The following MBD5 variants were observed in gnomAD, a reference collection of about 807,000 sequenced individuals.
The protein encoded by MBD5 is methyl-CpG binding domain protein 5, also known as methyl-CpG-binding domain protein 5.
Under a neutral mutation model 117.3 loss-of-function variants are expected in MBD5, and 13 were observed. The observed-to-expected ratio is 0.11, with a 90% CI of 0.07 to 0.18. The LOEUF is 0.18. Among genes scored for constraint, MBD5 ranks in the 10% least tolerant of loss-of-function variants. The pLI, the probability that MBD5 is intolerant of heterozygous loss-of-function variation, is 1.00. For synonymous variants in MBD5, 727 were observed against 766.4 expected (o/e 0.95, Z 0.85); for missense variants, 1,879 against 2,093.8 (o/e 0.90, Z 2.00).
rs149684439 is a variant in MBD5 at position 148,267,975 on chromosome 2, G to C, written c.-680+34580G>C. 5.3e-3 allele frequency among the ~76,000 whole-genome samples: 732 copies of C among 137,166 alleles called. 4 individuals carry two copies. Among genetic ancestry groups the C allele is most frequent in the Non-Finnish European group, 8.6e-3 (545 of 63,370 alleles). The allele number at this position is 137,166 out of a possible 152,430, so 90.0% of individuals were successfully genotyped here. A position where few individuals can be genotyped will look rare whatever the true frequency, so the allele number is the denominator to read the frequency against. On this transcript the variant is annotated intron_variant, in intron 3 of 13. Transcript: ENST00000642680. ...TTCTTTTTTTTTTTTTTTGAGACAGGTTCTCACTTTTTCACCCAGGCTGGA... is the reference window on the plus strand; with the variant it reads ...TTCTTTTTTTTTTTTTTTGAGACAGCTTCTCACTTTTTCACCCAGGCTGGA...
At chr2:148,137,541 C>A (rs1409932773) in intron 1 of MBD5, among the ~76,000 whole-genome samples, 1 of 152,172 alleles carries the variant, frequency 6.6e-6, no homozygotes, top group Non-Finnish European at 1.5e-5. Flanking sequence ...AGGAAGATCG[C>A]TTGAGGCCAG....
chr2:148,057,471 T>C (rs1342106620), intron 1 of MBD5, among the ~76,000 whole-genome samples: 1 of 151,800 alleles, frequency 6.6e-6, no homozygotes, highest in East Asian at 1.9e-4. Context: ...CAGTGACTCC[T>C]GAGTTTTTTA....
intron 4 of MBD5, among the ~76,000 whole-genome samples, chr2:148,358,331 C>A (rs1703438887): frequency 6.6e-6 from 1 of 151,864 alleles, no homozygotes; most frequent in Non-Finnish European, 1.5e-5. Flanking sequence ...TATAACACAG[C>A]CCAAGATATA....
At chr2:148,317,029 C>T (rs938449583) in intron 3 of MBD5, among the ~76,000 whole-genome samples, 1 of 152,094 alleles carries the variant, frequency 6.6e-6, no homozygotes, top group African/African-American at 2.4e-5. Context: ...ACAACTTAAA[C>T]CATGCTAAAA....
At chr2:148,370,727 G>C (rs1037290522) in intron 4 of MBD5, among the ~76,000 whole-genome samples, 1 of 152,298 alleles carries the variant, frequency 6.6e-6, no homozygotes, top group African/African-American at 2.4e-5. Flanking sequence ...GAGCCCAAGA[G>C]ATCAGCCTGC....
chr2:148,177,933 A>T (rs1698428605), intron 1 of MBD5, among the ~76,000 whole-genome samples: 1 of 152,290 alleles, frequency 6.6e-6, no homozygotes, highest in African/African-American at 2.4e-5. Context: ...AGAAAGGAGG[A>T]TCTCTTGAGC....
intron 8 of MBD5, among the ~76,000 whole-genome samples, chr2:148,482,091 G>A (rs775509083): frequency 3.3e-5 from 5 of 152,122 alleles, no homozygotes; most frequent in African/African-American, 4.8e-5. Flanking sequence ...AGAGAAATGA[G>A]CACTGTCTTC....
At chr2:148,095,598 A>T (rs901866648) in intron 1 of MBD5, among the ~76,000 whole-genome samples, 1 of 152,164 alleles carries the variant, frequency 6.6e-6, no homozygotes, top group African/African-American at 2.4e-5. Flanking sequence ...TAACAATTAG[A>T]TTTAACATTA....
In MBD5 at chr2:148,437,138, C is replaced by T. The variant is rs867806730; in HGVS notation, c.-556-21065C>T. On this transcript the variant is annotated intron_variant, in intron 4 of 13. Coordinates refer to ENST00000642680, the MANE Select transcript of MBD5 (RefSeq NM_001378120.1). Reference sequence around the variant, plus strand: ...GCTGGGACTACAGGCACGTGCACCGCGCCTGGCTAATTTTTTGTATTTTTA... The same window carrying T: ...GCTGGGACTACAGGCACGTGCACCGTGCCTGGCTAATTTTTTGTATTTTTA... Among the ~76,000 whole-genome samples the T allele has an allele frequency of 7.3e-5, 11 of 151,236 alleles. No homozygotes were observed. The East Asian group carries it at 7.8e-4, about 11-fold the overall frequency.
chr2:148,363,677 G>A (rs1312449043), intron 4 of MBD5, among the ~76,000 whole-genome samples: 1 of 152,132 alleles, frequency 6.6e-6, no homozygotes, highest in Non-Finnish European at 1.5e-5. Flanking sequence ...GAAAAATACA[G>A]CATGAGAACT....
chr2:148,109,433 A>G (rs561852202), intron 1 of MBD5, among the ~76,000 whole-genome samples: 5 of 152,236 alleles, frequency 3.3e-5, no homozygotes, highest in Non-Finnish European at 5.9e-5. Flanking sequence ...TCATCATAAG[A>G]GAATGGGTTG....
At chr2:148,435,722 G>T (rs1297437479) in intron 4 of MBD5, among the ~76,000 whole-genome samples, 1 of 152,056 alleles carries the variant, frequency 6.6e-6, no homozygotes, top group African/African-American at 2.4e-5. Context: ...TATGTCTTAG[G>T]AATGGTCTTC....
At chr2:148,435,197 A>C (rs757208330) in intron 4 of MBD5, among the ~76,000 whole-genome samples, 11 of 152,050 alleles carry the variant, frequency 7.2e-5, no homozygotes, top group Non-Finnish European at 1.3e-4. Context: ...CATACATTTG[A>C]GTCTTGCTTC....
chr2:148,206,820 C>A (rs1421769613), intron 2 of MBD5, among the ~76,000 whole-genome samples: 1 of 152,138 alleles, frequency 6.6e-6, no homozygotes, highest in Admixed American at 6.5e-5. Context: ...TGAACACAGT[C>A]TCATTGTGAA....
intron 12 of MBD5, among the ~76,000 whole-genome samples, chr2:148,504,559 A>G (rs1031617199): frequency 2.0e-5 from 3 of 152,246 alleles, no homozygotes; most frequent in African/African-American, 4.8e-5. Context: ...GAACAGTGCT[A>G]CAGTCCCTGA....
At chr2:148,146,072 A>G (rs924760280) in intron 1 of MBD5, among the ~76,000 whole-genome samples, 10 of 152,194 alleles carry the variant, frequency 6.6e-5, no homozygotes, top group African/African-American at 2.2e-4. Flanking sequence ...AGTTAATTGT[A>G]TATTGATATG....
chr2:148,217,779 C>T (rs1269472748), intron 2 of MBD5, among the ~76,000 whole-genome samples: 1 of 152,082 alleles, frequency 6.6e-6, no homozygotes, highest in Non-Finnish European at 1.5e-5. Context: ...GAAGAAACAT[C>T]AAGTCACCCT....
intron 4 of MBD5, among the ~76,000 whole-genome samples, chr2:148,449,346 C>A (rs1706657824): frequency 6.6e-6 from 1 of 151,930 alleles, no homozygotes; most frequent in Non-Finnish European, 1.5e-5. Flanking sequence ...ACTGCTTTTT[C>A]TTTTGCAATC....
chr2:148,479,593 G>A (rs1329361417), intron 8 of MBD5, among the ~76,000 whole-genome samples: 1 of 152,180 alleles, frequency 6.6e-6, no homozygotes, highest in Non-Finnish European at 1.5e-5. Context: ...TAAGGCAGCA[G>A]GTTCAACCAT....
Sources: gnomAD v4.1 joint callset for allele counts (sites outside exome capture counted in the v4.1 genomes callset) on GRCh38, gnomAD v4.1.1 for gene constraint, MANE v1.5 for transcripts, NCBI Gene and HGNC (gene_info 2026-07-23, HGNC 2026-07-21) for gene names.